ANK3: variants seen among roughly 807,000 people sequenced by gnomAD.
ANK3 encodes ankyrin 3, also known as ankyrin-3.
ANK3 carries 57 observed loss-of-function variants against 370.9 expected under a neutral mutation model. That is an observed-to-expected ratio of 0.15 (90% CI 0.12 to 0.19). The LOEUF (loss-of-function observed/expected upper bound fraction) is 0.19, where lower values mean the gene tolerates loss of function less well. ANK3 is among the 10% of genes least tolerant of loss of function. The probability of loss-of-function intolerance (pLI) is 1.00; values close to 1 mark genes in which losing one functional copy is unlikely to be tolerated. For missense variants in ANK3, 4,439 were observed against 5,302.1 expected, an observed-to-expected ratio of 0.84 and a Z score of 5.06; for synonymous variants, 1,929 against 1,946.3, an observed-to-expected ratio of 0.99 and a Z score of 0.23.
chr10:60,129,884 T>C (rs2093973366), intron 25 of ANK3, among the ~76,000 whole-genome samples: 1 of 152,216 alleles, frequency 6.6e-6, no homozygotes. Flanking sequence ...TACATATACA[T>C]TTTCAAAAAC....
At chr10:60,078,495 A>C (rs1589669980) in intron 36 of ANK3, among the ~76,000 whole-genome samples, 1 of 152,230 alleles carries the variant, frequency 6.6e-6, no homozygotes, top group Admixed American at 6.5e-5. Context: ...AGACACTGAC[A>C]AAGCATCTAT....
intron 1 of ANK3, among the ~76,000 whole-genome samples, chr10:60,670,204 C>T (rs1021819007): frequency 1.3e-5 from 2 of 152,070 alleles, no homozygotes; most frequent in African/African-American, 4.8e-5. Context: ...AATGTACATC[C>T]AATTGTTTAC....
chr10:60,159,249 T>C (rs1433084254), intron 23 of ANK3, among the ~76,000 whole-genome samples: 2 of 151,736 alleles, frequency 1.3e-5, no homozygotes, highest in Non-Finnish European at 1.5e-5. Flanking sequence ...TCCATGCAAA[T>C]AGAGGCCAAA....
intron 1 of ANK3, among the ~76,000 whole-genome samples, chr10:60,331,589 A>C (rs1169338106): frequency 6.7e-6 from 1 of 150,338 alleles, no homozygotes; most frequent in East Asian, 1.9e-4. Flanking sequence ...AAAAAAAAAC[A>C]AAAAGACTCT....
At chr10:60,469,756 C>G (rs553667703) in intron 2 of ANK3, among the ~76,000 whole-genome samples, 16 of 146,950 alleles carry the variant, frequency 1.1e-4, no homozygotes, top group Non-Finnish European at 2.4e-4. Flanking sequence ...TAATATTTCT[C>G]TTCCAATTGT....
intron 1 of ANK3, among the ~76,000 whole-genome samples, chr10:60,626,684 A>G (rs1240237308): frequency 6.6e-6 from 1 of 152,168 alleles, no homozygotes; most frequent in Non-Finnish European, 1.5e-5. Flanking sequence ...ATTGAGCCTT[A>G]GTGCCTGAGA....
At chr10:60,562,294 A>G (rs1305451108) in intron 2 of ANK3, among the ~76,000 whole-genome samples, 1 of 152,226 alleles carries the variant, frequency 6.6e-6, no homozygotes, top group Non-Finnish European at 1.5e-5. Context: ...CTTCTTATGC[A>G]TTAAAACTTC....
At chr10:60,662,923 C>T (rs2078952956) in intron 1 of ANK3, among the ~76,000 whole-genome samples, 1 of 152,178 alleles carries the variant, frequency 6.6e-6, no homozygotes, top group African/African-American at 2.4e-5. Flanking sequence ...GGGAAATTTA[C>T]AGAACACTTG....
intron 2 of ANK3, 39 bp downstream of exon 2, chr10:60,279,499 G>T: frequency 1.3e-6 from 2 of 1,508,308 alleles, no homozygotes; most frequent in East Asian, 2.3e-5. Context: ...TGGATTTTTA[G>T]AATTTTAAGT....
intron 1 of ANK3, among the ~76,000 whole-genome samples, chr10:60,652,445 A>C (rs918904267): frequency 6.6e-6 from 1 of 152,042 alleles, no homozygotes; most frequent in Non-Finnish European, 1.5e-5. Flanking sequence ...AAATTAAAAG[A>C]AGGAGAGATA....
At chr10:60,463,410 A>T (rs1252340955) in intron 2 of ANK3, among the ~76,000 whole-genome samples, 1 of 152,164 alleles carries the variant, frequency 6.6e-6, no homozygotes. Context: ...GGCCACTGAC[A>T]AAAACAGTGG....
intron 2 of ANK3, among the ~76,000 whole-genome samples, chr10:60,567,069 G>A (rs2077480612): frequency 6.6e-6 from 1 of 152,202 alleles, no homozygotes; most frequent in African/African-American, 2.4e-5. Context: ...AGCAAGTGCT[G>A]ATTTAGAAGT....
intron 23 of ANK3, among the ~76,000 whole-genome samples, chr10:60,147,747 C>T (rs1236209582): frequency 6.6e-6 from 1 of 152,148 alleles, no homozygotes; most frequent in Non-Finnish European, 1.5e-5. Context: ...GTACTGGCTC[C>T]CCCTTTGCCT....
chr10:60,478,674 A>C (rs1264442605), intron 2 of ANK3, among the ~76,000 whole-genome samples: 1 of 152,132 alleles, frequency 6.6e-6, no homozygotes, highest in East Asian at 1.9e-4. Context: ...ACTTTCATTG[A>C]CAGAACTACT....
Position 60,073,349 on chromosome 10 carries a change from T to C in ANK3, c.7532A>G (p.Lys2511Arg), listed in dbSNP as rs2083125827. 1 of 1,613,938 alleles carries C rather than the reference T, an allele frequency of 6.2e-7. No homozygotes were observed. Reference protein sequence around the residue: ...RSREKIATAPKKEILSKIYKD... With the variant: ...RSREKIATAPRKEILSKIYKD... ...ATAGATTTTGGAGAGAATTTCTTTT[T>C]TGGGGGCAGTGGCTATTTTTTCTCT... is the stretch of plus-strand genomic sequence containing the variant. Residue 2511 changes from lysine to arginine, a missense_variant, in exon 37 of 44, where the codon AAA (lysine) becomes AGA (arginine). Lys to Arg is a conservative substitution (Grantham distance 26). This residue lies in a region of ANK3 where 1,601 missense variants were observed against 1,731.7 expected (regional missense o/e 0.92). Transcript: ENST00000280772.
rs535964513 is a variant in ANK3 at position 60,192,936 on chromosome 10, C to A, written c.1887+3209G>T. Among the ~76,000 whole-genome samples the A allele has an allele frequency of 3.9e-5, 6 of 152,048 alleles. No homozygotes were observed. The East Asian group carries it at 1.2e-3, about 29-fold the overall frequency. On this transcript the variant is annotated intron_variant, in intron 16 of 43. Transcript: ENST00000280772. ...TGTTTGTGCCATGAGAAAATGGAGG[C>A]TCATCAATTTAAACCATTGTAGCTA...
rs1226886144 is a variant in ANK3 at position 60,071,358 on chromosome 10, C to T, written c.9523G>A (p.Glu3175Lys). 1 of 1,613,972 alleles carries T rather than the reference C, an allele frequency of 6.2e-7. No homozygotes were observed. The highest frequency in any genetic ancestry group is 1.3e-5 in the African/African-American group (1 of 74,922). The change falls in exon 37 of 44, where the codon GAG becomes AAG. Residue 3175 changes from glutamate to lysine, a missense_variant. Transcript: ENST00000280772. ...SPLTPETPSS[E>K]EVSYEFTSKT... ...GATGTAAATTCATAACTCACTTCCT[C>T]TGAACTGGGTGTTTCTGGGGTTAAA...
Position 60,181,542 on chromosome 10 carries a change from G to GA in ANK3, c.2086-116dup, listed in dbSNP as rs540307139. 8.0e-4 allele frequency: 785 copies of GA among 982,046 alleles called. 15 individuals are homozygous for GA. In the South Asian group the frequency reaches 0.01, roughly 13 times the overall value. 60.8% of individuals were successfully genotyped at this position (982,046 alleles called of 1,614,324 possible). On this transcript the variant is annotated intron_variant, in intron 17 of 43. Transcript: ENST00000280772. Reference sequence around the variant, plus strand: ...TGGTAAGCCGAGAATTTCTATGTTAGAAAAAACCTATGGAATAAATTTATA... The same window carrying GA: ...TGGTAAGCCGAGAATTTCTATGTTAGAAAAAAACCTATGGAATAAATTTATA...
At chr10:60,492,178 T>C (rs925246847) in intron 2 of ANK3, among the ~76,000 whole-genome samples, 1 of 152,210 alleles carries the variant, frequency 6.6e-6, no homozygotes, top group African/African-American at 2.4e-5. Context: ...TAGCTTTGTG[T>C]AAGGACATGT....
Sources: allele counts gnomAD v4.1 joint callset (sites outside exome capture counted in the v4.1 genomes callset), GRCh38; gene constraint gnomAD v4.1.1; regional missense constraint gnomAD v4.1.1; transcripts MANE v1.5; gene names NCBI Gene and HGNC (gene_info 2026-07-23, HGNC 2026-07-21).